Variants in RAB33B observed in about 807,000 individuals in gnomAD.
The protein encoded by RAB33B is RAB33B, member RAS oncogene family.
RAB33B carries 6 observed loss-of-function variants against 15.0 expected under a neutral mutation model. That is an observed-to-expected ratio of 0.40 (90% CI 0.22 to 0.79). The LOEUF (loss-of-function observed/expected upper bound fraction) is 0.79. Among genes scored for constraint, RAB33B ranks in the 30% least tolerant of loss-of-function variants. RAB33B has a pLI of 0.37. For missense variants in RAB33B, 257 were observed against 296.4 expected (o/e 0.87, Z 0.98); for synonymous variants, 117 against 108.3 (o/e 1.08, Z -0.50).
intron 1 of RAB33B, among the ~76,000 whole-genome samples, chr4:139,458,827 A>G (rs1750116738): frequency 6.6e-6 from 1 of 152,222 alleles, no homozygotes; most frequent in Admixed American, 6.5e-5. Context: ...TCTTTGAGGA[A>G]TCACACCACT....
rs139984394 is a variant in RAB33B at position 139,468,686 on chromosome 4, C to T, written c.250-4000C>T. On this transcript the variant is annotated intron_variant, in intron 1 of 1. Coordinates refer to ENST00000305626, the MANE Select transcript of RAB33B (RefSeq NM_031296.3). ...TATCTTTGGGTGATTATGTATTGCT[C>T]GTTAATGTCCTTTTCTTTCTGATTG... 1.4e-3 allele frequency among the ~76,000 whole-genome samples: 214 copies of T among 152,208 alleles called. 2 individuals carry two copies. The highest frequency in any genetic ancestry group is 4.8e-3 in the African/African-American group (201 of 41,534).
upstream of RAB33B, chr4:139,452,242 C>T (rs1163435182): frequency 6.6e-6 from 1 of 152,180 alleles, no homozygotes; most frequent in East Asian, 1.9e-4. Flanking sequence ...GGCAATCTAG[C>T]TGGTAGGACA....
the RAB33B span, among the ~76,000 whole-genome samples, chr4:139,444,979 G>C: frequency 5.9e-5 from 9 of 152,312 alleles, no homozygotes; most frequent in Admixed American, 5.9e-4. Flanking sequence ...GAAAGACACA[G>C]GGGTGGTGAT....
chr4:139,464,398 T>TG (rs1455261864), intron 1 of RAB33B, among the ~76,000 whole-genome samples: 14 of 149,238 alleles, frequency 9.4e-5, no homozygotes, highest in South Asian at 2.1e-4. Flanking sequence ...TTTTTTTTTT[T>TG]TTTTTTTTTT....
rs540897926 is a variant in RAB33B at position 139,454,634 on chromosome 4, T to C, written c.249+190T>C. On this transcript the variant is annotated intron_variant, in intron 1 of 1. Coordinates refer to ENST00000305626, the MANE Select transcript of RAB33B (RefSeq NM_031296.3). The stretch of plus-strand genomic sequence containing the variant: ...AGGCAGCGTTTCTCAGACTTCATTG[T>C]GCATGCGATTTACCTGGGGATCTTG... Among the ~76,000 whole-genome samples, 56 of 152,356 alleles carry C rather than the reference T, an allele frequency of 3.7e-4. 2 individuals carry two copies. Among genetic ancestry groups the C allele is most frequent in the African/African-American group, 1.3e-3 (56 of 41,588 alleles).
rs943090321 is a variant in RAB33B at position 139,468,305 on chromosome 4, T to C, written c.250-4381T>C. Among the ~76,000 whole-genome samples the C allele has an allele frequency of 5.9e-5, 9 of 152,192 alleles. No individual in the cohort carries two copies. The East Asian group carries it at 1.7e-3, about 29-fold the overall frequency. ...GAAATACCTGCCCCCATAATTCAGT[T>C]ACCTCTCACAGGGTCCCTCCCACAA... On this transcript the variant is annotated intron_variant, in intron 1 of 1. Coordinates refer to ENST00000305626, the MANE Select transcript of RAB33B (RefSeq NM_031296.3).
At chr4:139,452,639 C>A (rs1173354067), upstream of RAB33B, 1 of 152,130 alleles carries the variant, frequency 6.6e-6, no homozygotes, top group Non-Finnish European at 1.5e-5. Flanking sequence ...ACTAAGTAAA[C>A]TTTTTTTCTA....
rs187072518 is a variant in RAB33B at position 139,454,469 on chromosome 4, G to A, written c.249+25G>A. ...GGTGAGCGGATGGGGAACTGTTGGG[G>A]AGGACAGGGTGACAGGTGTCCCAAC... On this transcript the variant is annotated intron_variant, in intron 1 of 1. Coordinates refer to ENST00000305626, the MANE Select transcript of RAB33B (RefSeq NM_031296.3). The A allele has an allele frequency of 1.1e-5, 17 of 1,600,232 alleles. No individual in the cohort carries two copies. In the African/African-American group the frequency reaches 2.3e-4, roughly 21 times the overall value.
the RAB33B span, among the ~76,000 whole-genome samples, chr4:139,444,159 T>G: frequency 6.6e-6 from 1 of 152,196 alleles, no homozygotes; most frequent in Non-Finnish European, 1.5e-5. Context: ...GCTGAATTTA[T>G]TGATTTGGGC....
At chr4:139,458,162 T>A (rs1264501758) in intron 1 of RAB33B, among the ~76,000 whole-genome samples, 2 of 152,212 alleles carry the variant, frequency 1.3e-5, no homozygotes, top group Non-Finnish European at 2.9e-5. Flanking sequence ...GTGTTGTGGC[T>A]TGTGCCTGTA....
chr4:139,466,218 C>T (rs1750281624), intron 1 of RAB33B, among the ~76,000 whole-genome samples: 1 of 152,092 alleles, frequency 6.6e-6, no homozygotes, highest in South Asian at 2.1e-4. Context: ...GGTCTAAATT[C>T]TGCGTAATCA....
At position 139,475,757 on chromosome 4, in the gene RAB33B, C is replaced by T. The variant is rs1750489098; in HGVS notation, c.*2631C>T. The T allele has an allele frequency of 6.6e-6, 1 of 152,050 alleles. No homozygotes were observed. Among genetic ancestry groups the T allele is most frequent in the Admixed American group, 6.6e-5 (1 of 15,256 alleles). The allele number at this position is 152,050 out of a possible 1,614,324, so 9.4% of individuals were successfully genotyped here. ...AATTTGAGAACACCAAAGGAAACTA[C>T]CCCAGAATCTAATGTAGTTCGCTAT... On this transcript the variant is annotated 3_prime_UTR_variant, in exon 2 of 2. Coordinates refer to ENST00000305626, the MANE Select transcript of RAB33B (RefSeq NM_031296.3).
At chr4:139,454,559 G>C (rs375122638) in intron 1 of RAB33B, 115 bp downstream of exon 1, 42 of 1,200,672 alleles carry the variant, frequency 3.5e-5, no homozygotes, top group East Asian at 2.3e-4. Flanking sequence ...TTCTCACGCT[G>C]ATGAGATTGG....
At chr4:139,449,856 T>C (rs777791387), upstream of RAB33B, 32 of 152,198 alleles carry the variant, frequency 2.1e-4, no homozygotes, top group African/African-American at 6.5e-4. Context: ...GAGGCCATGA[T>C]TGCACTTTTT....
intron 1 of RAB33B, among the ~76,000 whole-genome samples, chr4:139,465,003 C>T (rs1486246292): frequency 2.0e-5 from 3 of 152,208 alleles, no homozygotes; most frequent in Admixed American, 2.0e-4. Flanking sequence ...ACAGTCCCAC[C>T]AACAGTGTAA....
chr4:139,441,945 T>C, the RAB33B span, among the ~76,000 whole-genome samples: 6 of 152,212 alleles, frequency 3.9e-5, no homozygotes, highest in Admixed American at 6.5e-5. Flanking sequence ...ACATCTAATA[T>C]TGTGACTTTA....
chr4:139,441,660 T>C, the RAB33B span, among the ~76,000 whole-genome samples: 49 of 152,380 alleles, frequency 3.2e-4, no homozygotes, highest in Admixed American at 2.5e-3. Flanking sequence ...TTTTGACATA[T>C]TATTTTTAAC....
At chr4:139,471,408 G>T (rs1340959264) in intron 1 of RAB33B, among the ~76,000 whole-genome samples, 1 of 152,142 alleles carries the variant, frequency 6.6e-6, no homozygotes, top group Non-Finnish European at 1.5e-5. Context: ...CGGGGTGCAG[G>T]GGGTGGGTGT....
intron 1 of RAB33B, among the ~76,000 whole-genome samples, chr4:139,464,396 T>TTTG (rs1750238062): frequency 2.1e-5 from 3 of 145,404 alleles, no homozygotes; most frequent in African/African-American, 5.1e-5. Flanking sequence ...GTTTTTTTTT[T>TTTG]TTTTTTTTTT....
Sources: allele counts gnomAD v4.1 joint callset (sites outside exome capture counted in the v4.1 genomes callset), GRCh38; gene constraint gnomAD v4.1.1; transcripts MANE v1.5; gene names NCBI Gene and HGNC (gene_info 2026-07-23, HGNC 2026-07-21).